CHN1: variants seen among roughly 807,000 people sequenced by gnomAD.
The protein encoded by CHN1 is chimerin 1.
CHN1 carries 37 observed loss-of-function variants against 59.5 expected under a neutral mutation model. The observed-to-expected ratio is 0.62, with a 90% confidence interval of 0.48 to 0.82. CHN1 has a LOEUF of 0.82. CHN1 is among the 40% of genes least tolerant of loss of function. CHN1 has a pLI of 0.00. For missense variants in CHN1, 469 were observed against 571.0 expected (o/e 0.82, Z 1.82); for synonymous variants, 206 against 200.4 (o/e 1.03, Z -0.24).
Position 174,798,906 on chromosome 2 carries a change from AG to A in CHN1, c.*1209del, listed in dbSNP as rs1270347289. On this transcript the variant is annotated 3_prime_UTR_variant, in exon 13 of 13. Transcript: ENST00000409900. The stretch of plus-strand genomic sequence containing the variant: ...TGATAGGCACAGAAACAGACTCTGG[AG>A]GGTTGTTGGCTCCAAGCCACACAGG... Among the ~76,000 whole-genome samples, 1 of 152,220 alleles carries A rather than the reference AG, an allele frequency of 6.6e-6. No individual in the cohort carries two copies. Among genetic ancestry groups the A allele is most frequent in the African/African-American group, 2.4e-5 (1 of 41,458 alleles).
At chr2:174,894,985 C>A (rs1194140784) in intron 5 of CHN1, among the ~76,000 whole-genome samples, 1 of 151,744 alleles carries the variant, frequency 6.6e-6, no homozygotes, top group Non-Finnish European at 1.5e-5. Context: ...AGCTACCCAC[C>A]TGTTAGTCAC....
chr2:174,990,935 C>T (rs1691527039), intron 1 of CHN1, among the ~76,000 whole-genome samples: 1 of 152,126 alleles, frequency 6.6e-6, no homozygotes, highest in African/African-American at 2.4e-5. Flanking sequence ...ATAGGAACAA[C>T]TTACAGGAGT....
chr2:174,852,796 T>G (rs1686779126), intron 6 of CHN1, among the ~76,000 whole-genome samples: 1 of 152,074 alleles, frequency 6.6e-6, no homozygotes, highest in African/African-American at 2.4e-5. Context: ...AACAATCTGA[T>G]CTTCGACAAG....
rs545363569 is a variant in CHN1 at position 174,952,347 on chromosome 2, T to C, written c.20-145A>G. ...GGCACTAAGGGGCATTCAAGGGTTT[T>C]TTTTTAGTCTTGGTCCTTACTTAGT... On this transcript the variant is annotated intron_variant, in intron 1 of 12. Coordinates refer to ENST00000409900, the MANE Select transcript of CHN1 (RefSeq NM_001822.7). 1.6e-5 allele frequency: 7 copies of C among 450,724 alleles called. No individual in the cohort carries two copies. In the South Asian group the frequency reaches 5.1e-4, roughly 33 times the overall value. The allele number at this position is 450,724 out of a possible 1,614,324, so 27.9% of individuals were successfully genotyped here.
At chr2:174,920,387 C>T (rs906844713) in intron 3 of CHN1, among the ~76,000 whole-genome samples, 1 of 152,042 alleles carries the variant, frequency 6.6e-6, no homozygotes, top group Non-Finnish European at 1.5e-5. Context: ...AGAAACTGAG[C>T]GTCGGAGAGA....
intron 10 of CHN1, among the ~76,000 whole-genome samples, chr2:174,809,896 C>A (rs573830875): frequency 9.8e-5 from 15 of 152,296 alleles, no homozygotes; most frequent in African/African-American, 3.1e-4. Context: ...TCTGTGATTC[C>A]ACCAAAGGAC....
chr2:174,855,193 T>C (rs1448107325), intron 6 of CHN1, among the ~76,000 whole-genome samples: 6 of 152,170 alleles, frequency 3.9e-5, no homozygotes, highest in African/African-American at 7.2e-5. Flanking sequence ...AAGGACCTCA[T>C]GTAACATAAA....
chr2:174,905,804 C>T (rs139036784), intron 5 of CHN1, among the ~76,000 whole-genome samples: 3 of 152,062 alleles, frequency 2.0e-5, no homozygotes, highest in African/African-American at 4.8e-5. Flanking sequence ...GTGATCTACC[C>T]GCTTCGGCCT....
At chr2:174,917,326 TG>T (rs1688876647) in intron 4 of CHN1, among the ~76,000 whole-genome samples, 1 of 151,496 alleles carries the variant, frequency 6.6e-6, no homozygotes, top group Admixed American at 6.6e-5. Flanking sequence ...CCCAGTTACC[TG>T]GGAGGCTGAG....
At position 175,005,217 on chromosome 2, in the gene CHN1, G is replaced by A. The variant is rs1692028424; in HGVS notation, c.-305C>T. On this transcript the variant is annotated 5_prime_UTR_variant, in exon 1 of 13. Transcript: ENST00000409900. ...GCGGGAGGAGGTACCTGCGAGGCAGGAGGCTTGGCCGCGGCGCAGTGGCTG... is the reference window on the plus strand; with the variant it reads ...GCGGGAGGAGGTACCTGCGAGGCAGAAGGCTTGGCCGCGGCGCAGTGGCTG... The A allele has an allele frequency of 8.3e-7, 1 of 1,208,024 alleles. No homozygotes were observed. Among genetic ancestry groups the A allele is most frequent in the Non-Finnish European group, 1.0e-6 (1 of 969,362 alleles). 74.8% of individuals were successfully genotyped at this position (1,208,024 alleles called of 1,614,324 possible). A position where few individuals can be genotyped will look rare whatever the true frequency, so the allele number is the denominator to read the frequency against.
At chr2:174,824,735 T>C (rs1372957058) in intron 7 of CHN1, among the ~76,000 whole-genome samples, 1 of 152,070 alleles carries the variant, frequency 6.6e-6, no homozygotes, top group East Asian at 1.9e-4. Flanking sequence ...CTCAGCCTCC[T>C]GAGTAGCTGG....
At chr2:174,975,587 T>C in intron 1 of CHN1, among the ~76,000 whole-genome samples, 1 of 151,824 alleles carries the variant, frequency 6.6e-6, no homozygotes, top group Admixed American at 6.6e-5. Flanking sequence ...TCATTACCAT[T>C]TACCACCCAG....
At position 174,940,813 on chromosome 2, in the gene CHN1, T is replaced by C. The variant is rs148052606; in HGVS notation, c.114+4075A>G. Among the ~76,000 whole-genome samples the C allele has an allele frequency of 4.6e-5, 7 of 152,334 alleles. No homozygotes were observed. The East Asian group carries it at 1.4e-3, about 29-fold the overall frequency. ...AATTAACAAATAATTGGTGGTGTCA[T>C]ACCTTGAGACCATGTAAATATCCTG... On this transcript the variant is annotated intron_variant, in intron 3 of 12. Coordinates refer to ENST00000409900, the MANE Select transcript of CHN1 (RefSeq NM_001822.7).
At chr2:174,972,016 G>A (rs1690774344) in intron 1 of CHN1, among the ~76,000 whole-genome samples, 1 of 152,162 alleles carries the variant, frequency 6.6e-6, no homozygotes, top group African/African-American at 2.4e-5. Context: ...CAGTCCACAA[G>A]GGCCCGACAA....
intron 3 of CHN1, among the ~76,000 whole-genome samples, chr2:174,943,195 T>A (rs2105402283): frequency 6.6e-6 from 1 of 151,988 alleles, no homozygotes. Context: ...TGTGTGTGTG[T>A]GTGTGTGTGT....
At chr2:174,842,368 C>T (rs1686341792) in intron 7 of CHN1, among the ~76,000 whole-genome samples, 2 of 151,986 alleles carry the variant, frequency 1.3e-5, no homozygotes, top group African/African-American at 4.8e-5. Flanking sequence ...AATTTTAGTT[C>T]CTTTTCAAAT....
chr2:174,907,180 T>C (rs562392077), intron 5 of CHN1, among the ~76,000 whole-genome samples: 2 of 152,284 alleles, frequency 1.3e-5, no homozygotes, highest in East Asian at 3.9e-4. Flanking sequence ...GGATCAATTG[T>C]TGAATGGAAC....
chr2:174,980,343 C>T (rs1297675505), intron 1 of CHN1, among the ~76,000 whole-genome samples: 1 of 152,130 alleles, frequency 6.6e-6, no homozygotes. Context: ...GTTTAATTTC[C>T]TGCTATAATT....
intron 1 of CHN1, among the ~76,000 whole-genome samples, chr2:174,967,201 A>T (rs1170154344): frequency 6.6e-6 from 1 of 151,886 alleles, no homozygotes; most frequent in Non-Finnish European, 1.5e-5. Flanking sequence ...AAAATTAATC[A>T]GGTGTAGTGG....
Sources: allele counts gnomAD v4.1 joint callset (sites outside exome capture counted in the v4.1 genomes callset), GRCh38; gene constraint gnomAD v4.1.1; transcripts MANE v1.5; gene names NCBI Gene and HGNC (gene_info 2026-07-23, HGNC 2026-07-21).